Variants in KLB observed in about 807,000 individuals in gnomAD.
KLB encodes the protein beta-klotho.
KLB carries 44 observed loss-of-function variants against 88.4 expected under a neutral mutation model. The observed-to-expected ratio is 0.50, with a 90% CI of 0.39 to 0.64. The LOEUF is 0.64. Ranked by LOEUF, KLB falls within the 30% of genes least tolerant of loss-of-function variation. KLB has a pLI of 0.00. For synonymous variants in KLB, 548 were observed against 513.4 expected (o/e 1.07, Z -0.91); for missense variants, 1,137 against 1,304.8 (o/e 0.87, Z 1.98).
At chr4:39,443,758 CAAA>C (rs56820388) in intron 3 of KLB, among the ~76,000 whole-genome samples, 19,503 of 110,644 alleles carry the variant, frequency 0.18, 1,440 homozygotes, top group East Asian at 0.26. Context: ...GAGACTTTGT[CAAA>C]AAAAAAAAAA....
intron 3 of KLB, among the ~76,000 whole-genome samples, chr4:39,440,533 C>T (rs1214672416): frequency 1.3e-5 from 2 of 152,150 alleles, no homozygotes; most frequent in Non-Finnish European, 2.9e-5. Flanking sequence ...CATGAATTAG[C>T]AAAGTTCTCA....
At chr4:39,421,341 T>C (rs1470535081) in intron 1 of KLB, among the ~76,000 whole-genome samples, 2 of 152,168 alleles carry the variant, frequency 1.3e-5, no homozygotes, top group African/African-American at 4.8e-5. Flanking sequence ...TTTGTTGATG[T>C]ATATAACTTT....
chr4:39,429,942 C>T (rs988473451), intron 1 of KLB, among the ~76,000 whole-genome samples: 1 of 152,140 alleles, frequency 6.6e-6, no homozygotes, highest in Non-Finnish European at 1.5e-5. Flanking sequence ...CCCTAGATAC[C>T]TTGATAGCCT....
In KLB at chr4:39,421,468, G is replaced by A. The variant is rs181865283; in HGVS notation, c.826-12742G>A. Among the ~76,000 whole-genome samples, 20 of 152,264 alleles carry A rather than the reference G, an allele frequency of 1.3e-4. No homozygotes were observed. In the East Asian group the frequency reaches 3.5e-3, roughly 26 times the overall value. ...CAGGCATAATCAAAACTATGACTCCGACCAGGCACAGTGGCTCATGTCTGT... is the reference window on the plus strand; with the variant it reads ...CAGGCATAATCAAAACTATGACTCCAACCAGGCACAGTGGCTCATGTCTGT... On this transcript the variant is annotated intron_variant, in intron 1 of 4. Transcript: ENST00000257408.
Position 39,446,833 on chromosome 4 carries a change from C to A in KLB, c.2107C>A (p.Arg703Ser). The change falls in exon 4 of 5, where the codon CGC becomes AGC. Residue 703 changes from arginine to serine, a missense_variant. Around this residue, in one of 4 missense-constraint regions of KLB, gnomAD observed 597 missense variants for 765.2 expected, o/e 0.78. Coordinates refer to ENST00000257408, the MANE Select transcript of KLB (RefSeq NM_175737.4). This position sits in a 1 kb window ranked among gnomAD's most constrained non-coding sequence, Gnocchi z 6.4. ...TAACCGGCTAAGTGACATCTACAAC[C>A]GCTCTGGCAACGACACCTACGGGGC... ...EPNRLSDIYN[R>S]SGNDTYGAAH... 6.2e-7 allele frequency: 1 copy of A among 1,612,770 alleles called. No individual in the cohort carries two copies. Among genetic ancestry groups the A allele is most frequent in the South Asian group, 1.1e-5 (1 of 91,028 alleles).
At chr4:39,422,911 C>T (rs1373393720) in intron 1 of KLB, among the ~76,000 whole-genome samples, 8 of 149,438 alleles carry the variant, frequency 5.4e-5, no homozygotes, top group Non-Finnish European at 1.2e-4. Context: ...GGACTACAGG[C>T]GCATGCCACA....
Position 39,407,491 on chromosome 4 carries a change from C to A in KLB, c.542C>A (p.Ala181Asp), listed in dbSNP as rs1560642255. 6.2e-7 allele frequency: 1 copy of A among 1,614,176 alleles called. No homozygotes were observed. The highest frequency in any genetic ancestry group is 2.2e-5 in the East Asian group (1 of 44,888). Residue 181 changes from alanine (A) to aspartate (D), a missense_variant, in exon 1 of 5, where the codon GCT (alanine) becomes GAT (aspartate). Physicochemically the swap from Ala to Asp is moderately radical, Grantham distance 126. Transcript: ENST00000257408. The part of the protein sequence containing the change: ...GLQYYSTLLD[A>D]LVLRNIEPIV... Reference sequence around the variant, plus strand: ...CAGTACTACAGTACTCTTCTGGACGCTCTAGTGCTTAGAAACATTGAACCT... The same window carrying A: ...CAGTACTACAGTACTCTTCTGGACGATCTAGTGCTTAGAAACATTGAACCT...
intron 1 of KLB, among the ~76,000 whole-genome samples, chr4:39,424,339 G>A (rs565130302): frequency 4.8e-4 from 73 of 151,928 alleles, no homozygotes; most frequent in Non-Finnish European, 7.5e-4. Flanking sequence ...CCAAAGTGCT[G>A]GGATTACAGA....
At chr4:39,443,152 A>T (rs1266799611) in intron 3 of KLB, among the ~76,000 whole-genome samples, 1 of 152,124 alleles carries the variant, frequency 6.6e-6, no homozygotes, top group East Asian at 1.9e-4. Flanking sequence ...TCATATCAGG[A>T]GGTAAATGAT....
rs541963950 is a variant in KLB at position 39,413,959 on chromosome 4, T to C, written c.825+6185T>C. ...GATAATTCTTTGCTGTGGTAGGCTG[T>C]CCTGTGCAATGGAGGAGTTCAGCAG... On this transcript the variant is annotated intron_variant, in intron 1 of 4. Coordinates refer to ENST00000257408, the MANE Select transcript of KLB (RefSeq NM_175737.4). 2.6e-5 allele frequency among the ~76,000 whole-genome samples: 4 copies of C among 152,256 alleles called. No homozygotes were observed. The South Asian group carries it at 8.3e-4, about 32-fold the overall frequency.
chr4:39,422,048 C>A (rs1055192251), intron 1 of KLB, among the ~76,000 whole-genome samples: 1 of 152,160 alleles, frequency 6.6e-6, no homozygotes, highest in Non-Finnish European at 1.5e-5. Flanking sequence ...GCCCGGCCGC[C>A]TCTGAGTGTT....
chr4:39,410,492 G>C (rs1475656024), intron 1 of KLB, among the ~76,000 whole-genome samples: 5 of 152,164 alleles, frequency 3.3e-5, no homozygotes, highest in Non-Finnish European at 7.4e-5. Context: ...CTTGAAATCA[G>C]TCAGAAAGTG....
chr4:39,416,320 T>A (rs1742964331), intron 1 of KLB, among the ~76,000 whole-genome samples: 1 of 152,100 alleles, frequency 6.6e-6, no homozygotes, highest in Admixed American at 6.6e-5. Flanking sequence ...ATTTCCATAA[T>A]TAAAAGTAAA....
At chr4:39,412,339 A>G (rs1388102017) in intron 1 of KLB, among the ~76,000 whole-genome samples, 1 of 152,156 alleles carries the variant, frequency 6.6e-6, no homozygotes, top group East Asian at 1.9e-4. Context: ...CTCATCTTAC[A>G]GTGTGATATT....
Position 39,437,707 on chromosome 4 carries a change from G to A in KLB, c.1337-20G>A. ...AATGTTTAGGCCTCTGAACATCTCT[G>A]CTTTCTTTTCTCTGTGCAGCAATAA... On this transcript the variant is annotated intron_variant, in intron 2 of 4. Transcript: ENST00000257408. 2.5e-6 allele frequency: 4 copies of A among 1,588,728 alleles called. No individual in the cohort carries two copies. The highest frequency in any genetic ancestry group is 3.4e-6 in the Non-Finnish European group (4 of 1,165,002).
rs1431525039 is a variant in KLB at position 39,450,707 on chromosome 4, CTA to C, written c.*2023_*2024del. 6.6e-6 allele frequency: 1 copy of C among 152,048 alleles called. No homozygotes were observed. The highest frequency in any genetic ancestry group is 1.5e-5 in the Non-Finnish European group (1 of 67,988). The allele number at this position is 152,048 out of a possible 1,614,324, so 9.4% of individuals were successfully genotyped here. A position where few individuals can be genotyped will look rare whatever the true frequency, so the allele number is the denominator to read the frequency against. On this transcript the variant is annotated 3_prime_UTR_variant, in exon 5 of 5. Coordinates refer to ENST00000257408, the MANE Select transcript of KLB (RefSeq NM_175737.4). Reference sequence around the variant, plus strand: ...GTCAATTCTGTTTTTATTACTCTAACTATGTAGAAACAGTAAGTCACTTAAAA... The same window carrying C: ...GTCAATTCTGTTTTTATTACTCTAACTGTAGAAACAGTAAGTCACTTAAAA...
At chr4:39,433,308 T>C (rs1164605115) in intron 1 of KLB, among the ~76,000 whole-genome samples, 1 of 152,136 alleles carries the variant, frequency 6.6e-6, no homozygotes, top group Admixed American at 6.5e-5. Context: ...CCCCAAAGCT[T>C]ACACTCTTTC....
chr4:39,435,570 T>C (rs1039326613), intron 2 of KLB, among the ~76,000 whole-genome samples: 4 of 152,038 alleles, frequency 2.6e-5, no homozygotes. Flanking sequence ...GGATTACAGG[T>C]GTCTGCCACC....
intron 1 of KLB, among the ~76,000 whole-genome samples, chr4:39,428,773 C>A (rs1743275708): frequency 6.6e-6 from 1 of 152,190 alleles, no homozygotes; most frequent in African/African-American, 2.4e-5. Context: ...GTGGCGTGAT[C>A]TCGGCTCACT....
Sources: gnomAD v4.1 joint callset for allele counts (sites outside exome capture counted in the v4.1 genomes callset) on GRCh38, gnomAD v4.1.1 for gene constraint, gnomAD v4.1.1 regional missense constraint, Gnocchi (gnomAD v3.1) non-coding constraint, MANE v1.5 for transcripts, NCBI Gene and HGNC (gene_info 2026-07-23, HGNC 2026-07-21) for gene names.